Variants in FAH observed in about 807,000 individuals in gnomAD.
FAH encodes fumarylacetoacetate hydrolase, also known as fumarylacetoacetase.
FAH carries 47 observed loss-of-function variants against 55.8 expected under a neutral mutation model. The ratio of observed to expected loss-of-function variants is 0.84; its 90% CI spans 0.67 to 1.07. FAH has a LOEUF of 1.07. Ranked by LOEUF, FAH falls within the 50% of genes least tolerant of loss-of-function variation. FAH has a pLI of 0.00. For synonymous variants in FAH, 199 were observed against 207.7 expected (o/e 0.96, Z 0.36); for missense variants, 495 against 545.9 (o/e 0.91, Z 0.93).
chr15:80,168,177 C>T (rs1296431383), intron 6 of FAH, 28 bp downstream of exon 6: 2 of 1,610,938 alleles, frequency 1.2e-6, no homozygotes, highest in South Asian at 1.1e-5. Flanking sequence ...CCAGGCCTTG[C>T]TGGTACCCAG....
chr15:80,171,526 T>C (rs1038482635), intron 7 of FAH, among the ~76,000 whole-genome samples: 4 of 152,340 alleles, frequency 2.6e-5, no homozygotes, highest in African/African-American at 9.6e-5. Context: ...CGTGGCGTGA[T>C]CTCGGCCTGC....
At chr15:80,153,879 CT>C (rs1264601924) in intron 1 of FAH, among the ~76,000 whole-genome samples, 1 of 152,200 alleles carries the variant, frequency 6.6e-6, no homozygotes, top group Non-Finnish European at 1.5e-5. Context: ...GCTTAGATTT[CT>C]GCTCCCAACT....
chr15:80,180,466 C>G (rs760136287), intron 12 of FAH: 1 of 538,626 alleles, frequency 1.9e-6, no homozygotes, highest in African/African-American at 1.9e-5. Flanking sequence ...AGGGGAGCAG[C>G]GCAGTGACAC....
Position 80,162,950 on chromosome 15 carries a change from T to C in FAH, c.455+614T>C, listed in dbSNP as rs1393248074. On this transcript the variant is annotated intron_variant, in intron 5 of 13. Transcript: ENST00000561421. ...GCTGGGATCCTTGCCCTTTGTTCTG[T>C]GTTGTCCCCTGGATGTGATGGTTCC... 3 of 176,250 alleles carry C rather than the reference T, an allele frequency of 1.7e-5. No homozygotes were observed. In the East Asian group the frequency reaches 4.3e-4, roughly 26 times the overall value. 10.9% of individuals were successfully genotyped at this position (176,250 alleles called of 1,614,324 possible). A position where few individuals can be genotyped will look rare whatever the true frequency, so the allele number is the denominator to read the frequency against.
In FAH at chr15:80,155,831, C is replaced by A. The variant is rs2041094334; in HGVS notation, c.82-2229C>A. 9 of 454,992 alleles carry A rather than the reference C, an allele frequency of 2.0e-5. 1 individual carries two copies. Among genetic ancestry groups the A allele is most frequent in the South Asian group, 1.4e-4 (9 of 64,212 alleles). The allele number at this position is 454,992 out of a possible 1,614,324, so 28.2% of individuals were successfully genotyped here. A position where few individuals can be genotyped will look rare whatever the true frequency, so the allele number is the denominator to read the frequency against. ...AGGTAGCCGAAGCAGAGAGGGAAGG[C>A]AGCATAAGTCAGCATTTTCTTCTAT... On this transcript the variant is annotated intron_variant, in intron 1 of 13. Coordinates refer to ENST00000561421, the MANE Select transcript of FAH (RefSeq NM_000137.4).
chr15:80,158,055 C>T lies in FAH; in HGVS notation c.82-5C>T, dbSNP rs1446141136. 1.2e-6 allele frequency: 2 copies of T among 1,611,978 alleles called. No homozygotes were observed. The highest frequency in any genetic ancestry group is 1.7e-6 in the Non-Finnish European group (2 of 1,178,058). ...CTGGTGCTGACGGTGTCGTCTTCCTCCTAGCCAAGACCGAGGATAGGTGTG... is the reference window on the plus strand; with the variant it reads ...CTGGTGCTGACGGTGTCGTCTTCCTTCTAGCCAAGACCGAGGATAGGTGTG... On this transcript the variant is annotated splice_region_variant and splice_polypyrimidine_tract_variant and intron_variant, in intron 1 of 13. Coordinates refer to ENST00000561421, the MANE Select transcript of FAH (RefSeq NM_000137.4).
intron 12 of FAH, among the ~76,000 whole-genome samples, chr15:80,180,642 G>A (rs2041323382): frequency 6.6e-6 from 1 of 152,190 alleles, no homozygotes; most frequent in African/African-American, 2.4e-5. Flanking sequence ...TTGGGGTGGT[G>A]CATGTGTCAC....
intron 13 of FAH, among the ~76,000 whole-genome samples, chr15:80,183,565 G>C (rs1259792639): frequency 6.6e-6 from 1 of 152,164 alleles, no homozygotes; most frequent in Non-Finnish European, 1.5e-5. Context: ...AGCTCTTCCC[G>C]GCTTTCCTCC....
At chr15:80,168,622 A>C (rs187595100) in intron 7 of FAH, among the ~76,000 whole-genome samples, 1 of 152,364 alleles carries the variant, frequency 6.6e-6, no homozygotes, top group East Asian at 1.9e-4. Flanking sequence ...CCTGGTGAGC[A>C]TGTTCCTAGG....
At chr15:80,167,345 C>T (rs1407430426) in intron 5 of FAH, 1 of 153,014 alleles carries the variant, frequency 6.5e-6, no homozygotes, top group African/African-American at 2.4e-5. Context: ...TGCATCACTC[C>T]AGTCTCTGCC....
At chr15:80,184,001 A>C (rs1217919439) in intron 13 of FAH, among the ~76,000 whole-genome samples, 1 of 152,204 alleles carries the variant, frequency 6.6e-6, no homozygotes, top group African/African-American at 2.4e-5. Context: ...AAAAACCACA[A>C]AATGTTCAGC....
rs560886744 is a variant in FAH at position 80,155,542 on chromosome 15, G to C, written c.81+2407G>C. On this transcript the variant is annotated intron_variant, in intron 1 of 13. Coordinates refer to ENST00000561421, the MANE Select transcript of FAH (RefSeq NM_000137.4). Reference sequence around the variant, plus strand: ...CCAATCTGTAAGGTCCAGCCCTACGGGGCTTAGCGGGTTTTCTCCCTGTGT... The same window carrying C: ...CCAATCTGTAAGGTCCAGCCCTACGCGGCTTAGCGGGTTTTCTCCCTGTGT... 2.6e-5 allele frequency among the ~76,000 whole-genome samples: 4 copies of C among 152,278 alleles called. No individual in the cohort carries two copies. In the East Asian group the frequency reaches 7.7e-4, roughly 29 times the overall value.
chr15:80,184,721 C>T (rs918451398), intron 13 of FAH, among the ~76,000 whole-genome samples: 19 of 152,262 alleles, frequency 1.2e-4, no homozygotes, highest in Admixed American at 2.0e-4. Context: ...ATGTGGGTCA[C>T]GGGGCTTCTT....
chr15:80,171,010 C>G (rs1348993851), intron 7 of FAH, among the ~76,000 whole-genome samples: 1 of 151,902 alleles, frequency 6.6e-6, no homozygotes, highest in Non-Finnish European at 1.5e-5. Flanking sequence ...CTCTCTGGTA[C>G]TATTTGCTGC....
intron 7 of FAH, among the ~76,000 whole-genome samples, chr15:80,170,003 C>T (rs954891254): frequency 1.8e-4 from 27 of 152,238 alleles, no homozygotes; most frequent in African/African-American, 6.3e-4. Context: ...GATGTTGATA[C>T]AGTCGGTCCC....
intron 10 of FAH, 49 bp downstream of exon 10, chr15:80,175,140 G>A (rs1457775257): frequency 6.5e-7 from 1 of 1,536,854 alleles, no homozygotes; most frequent in East Asian, 2.2e-5. Context: ...GGCAATGTGT[G>A]CCTGTGTGCC....
In FAH at chr15:80,173,011, C is replaced by A; in HGVS notation, c.707-3C>A. On this transcript the variant is annotated splice_region_variant and splice_polypyrimidine_tract_variant and intron_variant, in intron 8 of 13. Coordinates refer to ENST00000561421, the MANE Select transcript of FAH (RefSeq NM_000137.4). ...AAGTCCTGGCTGTGCCCTTCTTCTG[C>A]AGCACGAGACATTCAGAAGTGGGAG... The A allele has an allele frequency of 6.2e-7, 1 of 1,614,244 alleles. No individual in the cohort carries two copies. Among genetic ancestry groups the A allele is most frequent in the African/African-American group, 1.3e-5 (1 of 75,060 alleles).
intron 1 of FAH, among the ~76,000 whole-genome samples, chr15:80,155,502 A>T (rs1449732319): frequency 6.6e-6 from 1 of 152,202 alleles, no homozygotes; most frequent in African/African-American, 2.4e-5. Context: ...GTTGATCCCC[A>T]CATCTGTCAG....
chr15:80,169,602 C>T (rs998486660), intron 7 of FAH, among the ~76,000 whole-genome samples: 7 of 151,774 alleles, frequency 4.6e-5, no homozygotes, highest in African/African-American at 4.8e-5. Flanking sequence ...GGCACTATCT[C>T]GGCTCACTGC....
Sources: allele counts gnomAD v4.1 joint callset (sites outside exome capture counted in the v4.1 genomes callset), GRCh38; gene constraint gnomAD v4.1.1; transcripts MANE v1.5; gene names NCBI Gene and HGNC (gene_info 2026-07-23, HGNC 2026-07-21).